The following FAF1 variants were observed in gnomAD, a reference collection of about 807,000 sequenced individuals.
The protein encoded by FAF1 is Fas associated factor 1, also known as FAS-associated factor 1.
Under a neutral mutation model 92.5 loss-of-function variants are expected in FAF1, and 25 were observed. The observed-to-expected ratio is 0.27, with a 90% confidence interval of 0.20 to 0.38. The LOEUF is 0.38. FAF1 is among the 10% of genes least tolerant of loss of function. FAF1 has a pLI of 1.00. For missense variants in FAF1, 636 were observed against 793.3 expected (o/e 0.80, Z 2.38); for synonymous variants, 234 against 273.2 (o/e 0.86, Z 1.42).
At chr1:50,595,112 T>C (rs1170021840) in intron 9 of FAF1, among the ~76,000 whole-genome samples, 1 of 151,920 alleles carries the variant, frequency 6.6e-6, no homozygotes, top group African/African-American at 2.4e-5. Flanking sequence ...TGGAGTGCAA[T>C]GGCACAATCT....
Position 50,583,798 on chromosome 1 carries a change from A to G in FAF1, c.968-83T>C. Reference sequence around the variant, plus strand: ...AACAAACCACATAACATCTAATCCCACATATAAGAAATATATTCAATCAAT... The same window carrying G: ...AACAAACCACATAACATCTAATCCCGCATATAAGAAATATATTCAATCAAT... On this transcript the variant is annotated intron_variant, in intron 10 of 18. Transcript: ENST00000396153. This position sits in a 1 kb window ranked among gnomAD's most constrained non-coding sequence, Gnocchi z 4.2. The G allele has an allele frequency of 1.4e-6, 1 of 718,748 alleles. No individual in the cohort carries two copies. The highest frequency in any genetic ancestry group is 2.7e-5 in the East Asian group (1 of 36,546). The allele number at this position is 718,748 out of a possible 1,614,324, so 44.5% of individuals were successfully genotyped here. A position where few individuals can be genotyped will look rare whatever the true frequency, so the allele number is the denominator to read the frequency against.
intron 17 of FAF1, among the ~76,000 whole-genome samples, chr1:50,487,246 C>T (rs1304224075): frequency 3.9e-5 from 6 of 152,166 alleles, no homozygotes; most frequent in South Asian, 2.1e-4. Flanking sequence ...TCTGATGTTA[C>T]GCACAAAGTA....
intron 2 of FAF1, among the ~76,000 whole-genome samples, chr1:50,824,907 G>T (rs1557546158): frequency 6.6e-6 from 1 of 152,126 alleles, no homozygotes; most frequent in Admixed American, 6.5e-5. Context: ...TTTATCTCAT[G>T]AAAGTAGAGA....
intron 15 of FAF1, 97 bp from the exon 16 acceptor site, chr1:50,491,898 G>T: frequency 1.2e-6 from 1 of 827,044 alleles, no homozygotes; most frequent in South Asian, 1.7e-5. Flanking sequence ...ATTCCTATAT[G>T]AACTTATAAT....
intron 15 of FAF1, among the ~76,000 whole-genome samples, chr1:50,530,239 GT>G (rs1648070870): frequency 8.5e-5 from 2 of 23,520 alleles, no homozygotes; most frequent in South Asian, 8.1e-4. Flanking sequence ...TTAAGAAGTG[GT>G]GTGTGTGTGT....
At chr1:50,895,407 C>T (rs547342034) in intron 1 of FAF1, among the ~76,000 whole-genome samples, 45 of 152,254 alleles carry the variant, frequency 3.0e-4, no homozygotes, top group African/African-American at 9.9e-4. Context: ...TGGGACCCGA[C>T]GGCTTTACCT....
intron 8 of FAF1, among the ~76,000 whole-genome samples, chr1:50,630,063 A>C (rs1443162891): frequency 6.6e-6 from 1 of 152,168 alleles, no homozygotes; most frequent in South Asian, 2.1e-4. Context: ...TCTCAAAAAA[A>C]AAAACATATC....
intron 8 of FAF1, among the ~76,000 whole-genome samples, chr1:50,649,494 A>C (rs1654757930): frequency 1.3e-5 from 2 of 152,286 alleles, no homozygotes; most frequent in South Asian, 4.1e-4. Context: ...TTTTACTTGT[A>C]AATTATTTCA....
At chr1:50,938,188 T>C (rs1220075940) in intron 1 of FAF1, among the ~76,000 whole-genome samples, 1 of 152,230 alleles carries the variant, frequency 6.6e-6, no homozygotes, top group African/African-American at 2.4e-5. Context: ...GACATTACTA[T>C]AGCAATTGTG....
intron 18 of FAF1, among the ~76,000 whole-genome samples, chr1:50,467,545 C>T (rs894596676): frequency 2.6e-5 from 4 of 152,080 alleles, no homozygotes; most frequent in Non-Finnish European, 4.4e-5. Flanking sequence ...GATCTCCTGA[C>T]CTCGTGATCT....
intron 10 of FAF1, 87 bp downstream of exon 10, chr1:50,584,598 G>C (rs905506472): frequency 7.7e-6 from 10 of 1,304,056 alleles, no homozygotes; most frequent in Non-Finnish European, 1.1e-5. Flanking sequence ...AGGTCAGTAA[G>C]AGATGTTTAA....
intron 1 of FAF1, among the ~76,000 whole-genome samples, chr1:50,946,274 G>T: frequency 6.6e-6 from 1 of 152,188 alleles, no homozygotes; most frequent in Non-Finnish European, 1.5e-5. Flanking sequence ...TGTTACACTG[G>T]GGAGGATTTG....
intron 1 of FAF1, among the ~76,000 whole-genome samples, chr1:50,867,860 TG>T (rs1384420541): frequency 6.6e-6 from 1 of 152,104 alleles, no homozygotes; most frequent in Non-Finnish European, 1.5e-5. Flanking sequence ...AGTCATTATA[TG>T]AAAAAGACTC....
chr1:50,951,271 T>C (rs1205690500), intron 1 of FAF1, among the ~76,000 whole-genome samples: 3 of 152,200 alleles, frequency 2.0e-5, no homozygotes, highest in Non-Finnish European at 2.9e-5. Context: ...CAAACCAACC[T>C]ATGACCTTGT....
At chr1:50,527,461 T>C (rs1647870476) in intron 15 of FAF1, among the ~76,000 whole-genome samples, 1 of 152,202 alleles carries the variant, frequency 6.6e-6, no homozygotes, top group Non-Finnish European at 1.5e-5. Context: ...ACTTTCTTCG[T>C]GGTGTCCTTT....
intron 13 of FAF1, among the ~76,000 whole-genome samples, chr1:50,556,638 C>G (rs1214806432): frequency 1.3e-5 from 2 of 152,000 alleles, no homozygotes; most frequent in East Asian, 3.9e-4. Flanking sequence ...GAATTTGAGA[C>G]CAGCCTTGGC....
chr1:50,501,391 G>A (rs762444943), intron 15 of FAF1, among the ~76,000 whole-genome samples: 2 of 152,260 alleles, frequency 1.3e-5, no homozygotes, highest in Admixed American at 6.5e-5. Flanking sequence ...CAGGCCAGGC[G>A]CAGTGGCTCA....
At chr1:50,691,654 C>T (rs915788267) in intron 7 of FAF1, among the ~76,000 whole-genome samples, 2 of 151,892 alleles carry the variant, frequency 1.3e-5, no homozygotes, top group African/African-American at 4.8e-5. Context: ...TGCAATGGCG[C>T]GATCTCGGCT....
intron 18 of FAF1, among the ~76,000 whole-genome samples, chr1:50,472,368 T>TATACAC (rs1646584367): frequency 1.6e-5 from 2 of 123,886 alleles, no homozygotes; most frequent in Non-Finnish European, 3.3e-5. Flanking sequence ...GGGGAAAACA[T>TATACAC]ACACACACAC....
Sources: gnomAD v4.1 joint callset for allele counts (sites outside exome capture counted in the v4.1 genomes callset) on GRCh38, gnomAD v4.1.1 for gene constraint, Gnocchi (gnomAD v3.1) non-coding constraint, MANE v1.5 for transcripts, NCBI Gene and HGNC (gene_info 2026-07-23, HGNC 2026-07-21) for gene names.